The following ANXA13 variants were observed in gnomAD, a reference collection of about 807,000 sequenced individuals.
The protein encoded by ANXA13 is annexin XIII.
A neutral mutation model predicts 46.6 loss-of-function variants in ANXA13; 36 were observed. That is an observed-to-expected ratio of 0.77 (90% CI 0.59 to 1.02). The LOEUF is 1.02. Ranked by LOEUF, ANXA13 falls within the 50% of genes least tolerant of loss-of-function variation. The probability of loss-of-function intolerance (pLI) is 0.00; values close to 1 mark genes in which losing one functional copy is unlikely to be tolerated. For missense variants in ANXA13, 417 were observed against 396.5 expected (o/e 1.05, Z -0.44); for synonymous variants, 163 against 152.9 (o/e 1.07, Z -0.49).
At chr8:123,735,753 A>G in intron 1 of ANXA13, 1 of 1,609,772 alleles carries the variant, frequency 6.2e-7, no homozygotes, top group Non-Finnish European at 8.5e-7. Context: ...TAAAGTGCTT[A>G]CAGGCTGTGG....
At chr8:123,731,635 AG>A (rs1814119525) in intron 1 of ANXA13, among the ~76,000 whole-genome samples, 1 of 152,064 alleles carries the variant, frequency 6.6e-6, no homozygotes, top group Non-Finnish European at 1.5e-5. Context: ...GCACTTTGGG[AG>A]GCTGAGGTTG....
intron 1 of ANXA13, among the ~76,000 whole-genome samples, chr8:123,729,522 G>A (rs924100422): frequency 6.6e-6 from 1 of 152,152 alleles, no homozygotes; most frequent in African/African-American, 2.4e-5. Flanking sequence ...CTCCCTGATA[G>A]GGGAGATGTA....
chr8:123,724,064 C>A (rs1813936561), intron 1 of ANXA13, among the ~76,000 whole-genome samples: 1 of 152,136 alleles, frequency 6.6e-6, no homozygotes, highest in South Asian at 2.1e-4. Context: ...GGATAGAAAT[C>A]TTGAGCTGAG....
rs956207157 is a variant in ANXA13, at chr8:123,727,930, T to C, written c.15+9390A>G. On this transcript the variant is annotated intron_variant, in intron 1 of 10. Coordinates refer to ENST00000419625, the MANE Select transcript of ANXA13 (RefSeq NM_004306.4). Reference sequence around the variant, plus strand: ...TAATTTTTTTGCAAAGAAACCCAGATGACAAATCTGAAAGATGAGTGCTGA... The same window carrying C: ...TAATTTTTTTGCAAAGAAACCCAGACGACAAATCTGAAAGATGAGTGCTGA... The C allele has an allele frequency of 3.9e-5, 6 of 152,190 alleles. No individual in the cohort carries two copies. In the East Asian group the frequency reaches 5.8e-4, roughly 15 times the overall value. The allele number at this position is 152,190 out of a possible 1,614,324, so 9.4% of individuals were successfully genotyped here.
intron 1 of ANXA13, among the ~76,000 whole-genome samples, chr8:123,715,219 G>C (rs891393854): frequency 6.6e-5 from 10 of 152,166 alleles, no homozygotes; most frequent in African/African-American, 2.4e-4. Context: ...TTTCAATATG[G>C]TAACATCAGA....
Position 123,690,200 on chromosome 8 carries a change from G to A in ANXA13, c.643-1254C>T, listed in dbSNP as rs377755558. Among the ~76,000 whole-genome samples the A allele has an allele frequency of 1.2e-3, 184 of 152,282 alleles. 1 individual carries two copies. In the South Asian group the frequency reaches 0.018, roughly 15 times the overall value. On this transcript the variant is annotated intron_variant, in intron 8 of 10. Coordinates refer to ENST00000419625, the MANE Select transcript of ANXA13 (RefSeq NM_004306.4). This position sits in a 1 kb window ranked among gnomAD's most constrained non-coding sequence, Gnocchi z 4.6. The stretch of plus-strand genomic sequence containing the variant: ...TGTAGACTGAGATCATACTTCAAGA[G>A]AACATTTTGTTCACACAGGTCTTGT...
At chr8:123,686,390 G>A (rs764303309) in intron 9 of ANXA13, among the ~76,000 whole-genome samples, 22 of 151,602 alleles carry the variant, frequency 1.5e-4, no homozygotes, top group Admixed American at 4.6e-4. Context: ...AACCCGGGAG[G>A]CAGAGGTTGC....
chr8:123,688,898 C>T lies in ANXA13; in HGVS notation c.691G>A (p.Asp231Asn), dbSNP rs144282673. The T allele has an allele frequency of 3.4e-4, 550 of 1,613,882 alleles. 2 individuals are homozygous for T. The Middle Eastern group carries it at 4.1e-3, about 12-fold the overall frequency. ...EEAIEEETSG[D>N]LQKAYLTLVR... Reference sequence around the variant, plus strand: ...AGAGTTAAATAGGCCTTCTGCAAGTCGCCTGATGTTTCTTCTTCAATGGCT... The same window carrying T: ...AGAGTTAAATAGGCCTTCTGCAAGTTGCCTGATGTTTCTTCTTCAATGGCT... Residue 231 changes from aspartate (D) to asparagine (N), a missense_variant, in exon 9 of 11, where the codon GAC becomes AAC. Transcript: ENST00000419625.
intron 1 of ANXA13, chr8:123,735,809 G>T: frequency 6.2e-7 from 1 of 1,612,678 alleles, no homozygotes; most frequent in South Asian, 1.1e-5. Context: ...GAGGCTGCAC[G>T]ACTGTCGAGG....
At chr8:123,714,359 G>C (rs1813722937) in intron 1 of ANXA13, among the ~76,000 whole-genome samples, 1 of 152,192 alleles carries the variant, frequency 6.6e-6, no homozygotes, top group Non-Finnish European at 1.5e-5. Flanking sequence ...TGGATACATA[G>C]ATACTGAGAG....
At chr8:123,691,919 G>A (rs1813250642) in intron 8 of ANXA13, among the ~76,000 whole-genome samples, 1 of 152,104 alleles carries the variant, frequency 6.6e-6, no homozygotes, top group South Asian at 2.1e-4. Flanking sequence ...TCCATCTGTG[G>A]GCTCCGTAGT....
At chr8:123,708,602 A>G (rs1813592031) in intron 2 of ANXA13, among the ~76,000 whole-genome samples, 1 of 152,246 alleles carries the variant, frequency 6.6e-6, no homozygotes, top group Non-Finnish European at 1.5e-5. Flanking sequence ...GAATGGGCAC[A>G]GTCCTGCCTG....
rs770573000 is a variant in ANXA13 at position 123,735,863 on chromosome 8, G to A, written c.15+1457C>T. ...GCAACTGTTGACTGCCTTCTGAGAG[G>A]GTGTACGACTGGCTCTGAGGATTAA... On this transcript the variant is annotated intron_variant, in intron 1 of 10. Coordinates refer to ENST00000419625, the MANE Select transcript of ANXA13 (RefSeq NM_004306.4). 5.6e-6 allele frequency: 9 copies of A among 1,606,780 alleles called. No individual in the cohort carries two copies. In the East Asian group the frequency reaches 1.8e-4, roughly 32 times the overall value.
intron 1 of ANXA13, among the ~76,000 whole-genome samples, chr8:123,732,915 G>T (rs1814151923): frequency 6.6e-6 from 1 of 152,174 alleles, no homozygotes; most frequent in Non-Finnish European, 1.5e-5. Context: ...GCTCACACCT[G>T]TAATCCCAGA....
intron 1 of ANXA13, among the ~76,000 whole-genome samples, chr8:123,722,342 A>AAAAGAAAAGAAAGAAAG (rs774963834): frequency 3.4e-4 from 47 of 136,960 alleles, no homozygotes; most frequent in African/African-American, 4.8e-4. Context: ...GAAAGAAAAG[A>AAAAGAAAAGAAAGAAAG]AAAGAAAGAA....
intron 4 of ANXA13, 80 bp from the exon 5 acceptor site, chr8:123,695,801 G>T: frequency 3.2e-6 from 4 of 1,263,934 alleles, no homozygotes; most frequent in South Asian, 2.5e-5. Context: ...AGAGGCGGGA[G>T]ACCATGTCTG....
intron 2 of ANXA13, among the ~76,000 whole-genome samples, chr8:123,708,475 G>A (rs1440880731): frequency 1.3e-5 from 2 of 152,180 alleles, no homozygotes; most frequent in Non-Finnish European, 2.9e-5. Flanking sequence ...GGGCCCAGGA[G>A]GCTGCAGCCC....
intron 2 of ANXA13, among the ~76,000 whole-genome samples, chr8:123,704,507 C>T (rs1813505759): frequency 6.6e-6 from 1 of 152,036 alleles, no homozygotes; most frequent in Non-Finnish European, 1.5e-5. Flanking sequence ...AACAATTCTC[C>T]TGCCTCAGCC....
rs773564599 is a variant in ANXA13 at position 123,695,688 on chromosome 8, G to A, written c.391C>T (p.Leu131=). The A allele has an allele frequency of 9.3e-6, 15 of 1,613,550 alleles. No individual in the cohort carries two copies. The highest frequency in any genetic ancestry group is 2.2e-5 in the East Asian group (1 of 44,894). The part of the protein sequence containing the change: ...IIAIKEAYQR[L]FDRSLESDVK... ...AAAGCCAGAATGAAAAGTCACTTAC[G>A]CCTTTGGTAGGCCTCTTTAATGGCG... The change falls in exon 5 of 11, where the codon CTA becomes TTA. Residue 131 remains leucine, a splice_region_variant and synonymous_variant. Coordinates refer to ENST00000419625, the MANE Select transcript of ANXA13 (RefSeq NM_004306.4).
Sources: allele counts gnomAD v4.1 joint callset (sites outside exome capture counted in the v4.1 genomes callset), GRCh38; gene constraint gnomAD v4.1.1; non-coding constraint Gnocchi (gnomAD v3.1); transcripts MANE v1.5; gene names NCBI Gene and HGNC (gene_info 2026-07-23, HGNC 2026-07-21).